VTCN1: variants seen among roughly 807,000 people sequenced by gnomAD.
VTCN1 encodes the protein V-set domain-containing T-cell activation inhibitor 1.
VTCN1 carries 26 observed loss-of-function variants against 26.5 expected under a neutral mutation model. That is an observed-to-expected ratio of 0.98 (90% CI 0.72 to 1.36). The LOEUF (loss-of-function observed/expected upper bound fraction) is 1.36. Among genes scored for constraint, VTCN1 ranks in the 40% most tolerant of loss-of-function variants. The pLI is 0.00. For missense variants in VTCN1, 298 were observed against 337.7 expected (o/e 0.88, Z 0.92); for synonymous variants, 116 against 130.7 (o/e 0.89, Z 0.77).
At chr1:117,203,952 G>A (rs1003917752) in intron 1 of VTCN1, 2 of 196,826 alleles carry the variant, frequency 1.0e-5, no homozygotes, top group Non-Finnish European at 1.8e-5. Flanking sequence ...TTTGAACATC[G>A]AGTTTGGATG....
At chr1:117,197,159 T>C (rs1648552963) in intron 1 of VTCN1, among the ~76,000 whole-genome samples, 1 of 152,194 alleles carries the variant, frequency 6.6e-6, no homozygotes, top group African/African-American at 2.4e-5. Flanking sequence ...TATGTTGGGG[T>C]CAGTATTAGT....
chr1:117,196,479 C>T (rs564689846), intron 1 of VTCN1, among the ~76,000 whole-genome samples: 18 of 150,674 alleles, frequency 1.2e-4, no homozygotes, highest in Admixed American at 2.6e-4. Context: ...AGGTTAGGAC[C>T]GATAGATATT....
chr1:117,188,175 AATC>A (rs1267791792), intron 1 of VTCN1, among the ~76,000 whole-genome samples: 2 of 152,204 alleles, frequency 1.3e-5, no homozygotes, highest in South Asian at 4.1e-4. Context: ...TTAGAATTTA[AATC>A]ATACTTGAGA....
rs147263365 is a variant in VTCN1, at chr1:117,153,162, G to C, written c.653C>G (p.Thr218Arg). 1 of 1,613,940 alleles carries C rather than the reference G, an allele frequency of 6.2e-7. No homozygotes were observed. Among genetic ancestry groups the C allele is most frequent in the East Asian group, 2.2e-5 (1 of 44,896 alleles). ...MKVVSVLYNV[T>R]INNTYSCMIE... ...CATACAGGAGTATGTGTTGTTGATC[G>C]TAACATTGTAGAGCACAGACACAAC... is the stretch of plus-strand genomic sequence containing the variant. The change falls in exon 4 of 6, where the codon ACG (threonine) becomes AGG (arginine). Residue 218 changes from threonine to arginine, a missense_variant. Thr to Arg is a moderately conservative substitution (Grantham distance 71). Transcript: ENST00000369458.
At chr1:117,194,522 T>C (rs1156828861) in intron 1 of VTCN1, among the ~76,000 whole-genome samples, 3 of 152,232 alleles carry the variant, frequency 2.0e-5, no homozygotes, top group African/African-American at 7.2e-5. Flanking sequence ...CTACTGGGTA[T>C]ATATCCAAAG....
intron 1 of VTCN1, among the ~76,000 whole-genome samples, chr1:117,186,345 T>G (rs1647943493): frequency 6.6e-6 from 1 of 152,178 alleles, no homozygotes; most frequent in South Asian, 2.1e-4. Flanking sequence ...ATTTTCTTAG[T>G]GTATAAAGTG....
intron 1 of VTCN1, among the ~76,000 whole-genome samples, chr1:117,176,959 C>T (rs1041330538): frequency 2.0e-5 from 3 of 152,012 alleles, no homozygotes; most frequent in Non-Finnish European, 2.9e-5. Flanking sequence ...ATTAGCCGAG[C>T]GTGGTGGTGT....
In VTCN1 at chr1:117,146,565, G is replaced by T. The variant is rs1264933157; in HGVS notation, c.*45+1048C>A. 6.6e-6 allele frequency among the ~76,000 whole-genome samples: 1 copy of T among 152,164 alleles called. No homozygotes were observed. The highest frequency in any genetic ancestry group is 1.5e-5 in the Non-Finnish European group (1 of 68,018). ...AAGCTAGGAAGCATTTTCCTAAAAT[G>T]GATAAAGGAAGTAGTGGGTATAAAT... On this transcript the variant is annotated intron_variant, in intron 5 of 5. Coordinates refer to ENST00000369458, the MANE Select transcript of VTCN1 (RefSeq NM_024626.4). This position sits in a 1 kb window ranked among gnomAD's most constrained non-coding sequence, Gnocchi z 4.2.
intron 1 of VTCN1, among the ~76,000 whole-genome samples, chr1:117,188,266 AAC>A (rs1256871896): frequency 6.6e-6 from 1 of 152,154 alleles, no homozygotes; most frequent in African/African-American, 2.4e-5. Context: ...AGAGAGAGGG[AAC>A]ACAGAGAGCT....
intron 1 of VTCN1, among the ~76,000 whole-genome samples, chr1:117,180,285 T>C (rs978188103): frequency 1.3e-5 from 2 of 152,162 alleles, no homozygotes; most frequent in Admixed American, 6.5e-5. Flanking sequence ...GTCCTATTTA[T>C]AGCATCACCC....
At position 117,167,175 on chromosome 1, in the gene VTCN1, A is replaced by G. The variant is rs1251980372; in HGVS notation, c.97+2932T>C. On this transcript the variant is annotated intron_variant, in intron 2 of 5. Transcript: ENST00000369458. This position sits in a 1 kb window ranked among gnomAD's most constrained non-coding sequence, Gnocchi z 4.1. ...CATTATATGCATTTTATGTTTTTAT[A>G]TATACATTTACAAATGTTTTTGTAT... 6.6e-6 allele frequency among the ~76,000 whole-genome samples: 1 copy of G among 152,060 alleles called. No homozygotes were observed. The highest frequency in any genetic ancestry group is 1.5e-5 in the Non-Finnish European group (1 of 68,022).
Position 117,175,394 on chromosome 1 carries a change from C to T in VTCN1, c.33-5223G>A, listed in dbSNP as rs1022150579. Among the ~76,000 whole-genome samples, 7 of 152,164 alleles carry T rather than the reference C, an allele frequency of 4.6e-5. No homozygotes were observed. The South Asian group carries it at 8.3e-4, about 18-fold the overall frequency. ...ACTCCCGCTGCTGGGTGCTGTGAGC[C>T]GGCGTGGTCGCTGTGAAGCGGATGT... On this transcript the variant is annotated intron_variant, in intron 1 of 5. Transcript: ENST00000369458. The surrounding 1 kb of genome is among the most constrained non-coding windows in gnomAD (Gnocchi z 4.2).
chr1:117,200,677 T>C lies in VTCN1; in HGVS notation c.32+10147A>G, dbSNP rs374986024. Among the ~76,000 whole-genome samples, 5 of 152,320 alleles carry C rather than the reference T, an allele frequency of 3.3e-5. No homozygotes were observed. In the East Asian group the frequency reaches 5.8e-4, roughly 18 times the overall value. ...TTTAAGTTGGTTATTTGAAGTTCTG[T>C]ACAGGATCTTACAGCAACACTATTT... On this transcript the variant is annotated intron_variant, in intron 1 of 5. Coordinates refer to ENST00000369458, the MANE Select transcript of VTCN1 (RefSeq NM_024626.4).
chr1:117,150,815 CT>C (rs1651749058), intron 4 of VTCN1, among the ~76,000 whole-genome samples: 1 of 152,202 alleles, frequency 6.6e-6, no homozygotes, highest in Non-Finnish European at 1.5e-5. Context: ...CACCATTCTA[CT>C]TTCTGTTTCT....
chr1:117,148,099 G>A (rs145046290), intron 4 of VTCN1, among the ~76,000 whole-genome samples: 3 of 152,134 alleles, frequency 2.0e-5, no homozygotes, highest in African/African-American at 2.4e-5. Flanking sequence ...GGCTTGAGAC[G>A]CATTTTCCCT....
intron 1 of VTCN1, among the ~76,000 whole-genome samples, chr1:117,198,206 C>T (rs1648612540): frequency 6.6e-6 from 1 of 152,180 alleles, no homozygotes; most frequent in Non-Finnish European, 1.5e-5. Context: ...CTACTCACAT[C>T]TAACAACTGC....
intron 2 of VTCN1, among the ~76,000 whole-genome samples, chr1:117,168,407 A>G (rs999784071): frequency 6.6e-6 from 1 of 152,222 alleles, no homozygotes; most frequent in African/African-American, 2.4e-5. Flanking sequence ...ATATAAAATT[A>G]ACTTGAGATG....
chr1:117,196,377 A>G (rs1448156689), intron 1 of VTCN1, among the ~76,000 whole-genome samples: 2 of 150,642 alleles, frequency 1.3e-5, no homozygotes, highest in East Asian at 3.9e-4. Context: ...GTATTTTACT[A>G]TGTATTAAAT....
intron 1 of VTCN1, among the ~76,000 whole-genome samples, chr1:117,196,158 A>G (rs1648496668): frequency 6.6e-6 from 1 of 152,204 alleles, no homozygotes. Context: ...TCTTGATGAT[A>G]ATAATAAAAT....
Sources: allele counts gnomAD v4.1 joint callset (sites outside exome capture counted in the v4.1 genomes callset), GRCh38; gene constraint gnomAD v4.1.1; non-coding constraint Gnocchi (gnomAD v3.1); transcripts MANE v1.5; gene names NCBI Gene and HGNC (gene_info 2026-07-23, HGNC 2026-07-21).